PRICKLE4: variants seen among roughly 807,000 people sequenced by gnomAD.
PRICKLE4 encodes prickle-like protein 4.
A neutral mutation model predicts 43.5 loss-of-function variants in PRICKLE4; 40 were observed. The observed-to-expected ratio is 0.92, with a 90% CI of 0.71 to 1.20. The LOEUF (loss-of-function observed/expected upper bound fraction) is 1.20, where lower values mean the gene tolerates loss of function less well. Among genes scored for constraint, PRICKLE4 ranks in the 50% most tolerant of loss-of-function variants. The pLI is 0.00. For missense variants in PRICKLE4, 527 were observed against 491.2 expected (o/e 1.07, Z -0.69); for synonymous variants, 208 against 197.4 (o/e 1.05, Z -0.45).
At position 41,786,972 on chromosome 6, in the gene PRICKLE4, A is replaced by G. The variant is rs1391847183; in HGVS notation, c.998A>G (p.Asp333Gly). The G allele has an allele frequency of 3.1e-6, 5 of 1,613,936 alleles. No homozygotes were observed. The highest frequency in any genetic ancestry group is 2.7e-5 in the African/African-American group (2 of 74,882). Reference protein sequence around the residue: ...QEQCRLETIRDPKDTPFSTCS... With the variant: ...QEQCRLETIRGPKDTPFSTCS... ...CAATGCCGCCTGGAGACTATTCGTGATCCCAAGGACACCCCTTTCTCCACC... is the reference window on the plus strand; with the variant it reads ...CAATGCCGCCTGGAGACTATTCGTGGTCCCAAGGACACCCCTTTCTCCACC... Residue 333 changes from aspartate to glycine, a missense_variant, in exon 8 of 8, where the codon GAT (aspartate) becomes GGT (glycine). Asp to Gly is a moderately conservative substitution (Grantham distance 94). Transcript: ENST00000458694.
chr6:41,783,114 G>A (rs1221914538), intron 2 of PRICKLE4, among the ~76,000 whole-genome samples: 1 of 152,190 alleles, frequency 6.6e-6, no homozygotes, highest in African/African-American at 2.4e-5. Flanking sequence ...GAGGTAAGGA[G>A]AGAGTGTCCA....
In PRICKLE4 at chr6:41,785,076, T is replaced by C; in HGVS notation, c.378+4T>C. 1 of 1,613,514 alleles carries C rather than the reference T, an allele frequency of 6.2e-7. No homozygotes were observed. ...TGAAGGACACACCTGTGAGAAGGTA[T>C]GTAGCACCCCTCCCCCCAAATTCCC... On this transcript the variant is annotated splice_donor_region_variant and intron_variant, in intron 5 of 7. Coordinates refer to ENST00000458694, the MANE Select transcript of PRICKLE4 (RefSeq NM_013397.6).
Position 41,786,871 on chromosome 6 carries a change from G to C in PRICKLE4, c.897G>C (p.Gln299His). The C allele has an allele frequency of 1.2e-6, 2 of 1,606,182 alleles. No homozygotes were observed. The highest frequency in any genetic ancestry group is 1.7e-6 in the Non-Finnish European group (2 of 1,174,872). The change falls in exon 8 of 8, where the codon CAG becomes CAC. Residue 299 changes from glutamine (Q) to histidine (H), a missense_variant. Coordinates refer to ENST00000458694, the MANE Select transcript of PRICKLE4 (RefSeq NM_013397.6). ...CCGGCGGTTCCAGCCTGCAAACTCA[G>C]AGGGGGCTGCCTGGATCCAGTCCCC... Reference protein sequence around the residue: ...AAAGGSSLQTQRGLPGSSPQQ... With the variant: ...AAAGGSSLQTHRGLPGSSPQQ...
In PRICKLE4 at chr6:41,785,066, T is replaced by G; in HGVS notation, c.372T>G (p.Cys124Trp). The G allele has an allele frequency of 1.2e-6, 2 of 1,613,476 alleles. No homozygotes were observed. The highest frequency in any genetic ancestry group is 2.2e-5 in the East Asian group (1 of 44,866). Residue 124 changes from cysteine (C) to tryptophan (W), a missense_variant, in exon 5 of 8, where the codon TGT (cysteine) becomes TGG (tryptophan). By Grantham distance (215) the Cys-to-Trp change is radical. Transcript: ENST00000458694. ...LVLPKLEGHT[C>W]EKCRELLKPG... Reference sequence around the variant, plus strand: ...TTCCCAAGCTTGAAGGACACACCTGTGAGAAGGTATGTAGCACCCCTCCCC... The same window carrying G: ...TTCCCAAGCTTGAAGGACACACCTGGGAGAAGGTATGTAGCACCCCTCCCC...
At chr6:41,784,391 T>C (rs1772606040) in intron 4 of PRICKLE4, among the ~76,000 whole-genome samples, 153 bp downstream of exon 4, 1 of 152,194 alleles carries the variant, frequency 6.6e-6, no homozygotes, top group Non-Finnish European at 1.5e-5. Context: ...CTGCCTGAGT[T>C]TTCACATTGG....
chr6:41,784,378 C>T, intron 4 of PRICKLE4, 140 bp downstream of exon 4: 1 of 668,232 alleles, frequency 1.5e-6, no homozygotes, highest in South Asian at 2.1e-5. Context: ...CGTCATTCTC[C>T]CCCTGCCTGA....
intron 6 of PRICKLE4, 105 bp downstream of exon 6, chr6:41,785,645 G>C: frequency 1.6e-6 from 2 of 1,222,804 alleles, no homozygotes; most frequent in Non-Finnish European, 2.3e-6. Flanking sequence ...TCAGGGAGTG[G>C]GGAGAAGTAG....
chr6:41,786,625 G>A (rs1772657223), intron 7 of PRICKLE4, 137 bp from the exon 8 acceptor site: 4 of 1,395,604 alleles, frequency 2.9e-6, no homozygotes, highest in South Asian at 2.6e-5. Flanking sequence ...ACCCTGGCGA[G>A]GACTCTCGGC....
Position 41,787,317 on chromosome 6 carries a change from C to T in PRICKLE4, c.*188C>T. 1.1e-6 allele frequency: 1 copy of T among 871,712 alleles called. No homozygotes were observed. Among genetic ancestry groups the T allele is most frequent in the Non-Finnish European group, 1.7e-6 (1 of 593,110 alleles). The allele number at this position is 871,712 out of a possible 1,614,324, so 54.0% of individuals were successfully genotyped here. A position where few individuals can be genotyped will look rare whatever the true frequency, so the allele number is the denominator to read the frequency against. On this transcript the variant is annotated 3_prime_UTR_variant, in exon 8 of 8. Coordinates refer to ENST00000458694, the MANE Select transcript of PRICKLE4 (RefSeq NM_013397.6). ...CGCGTTCTAAGACTTTTGGCGGAGA[C>T]TTTCTTGGCAAAACCCATTCCCCAA... is the stretch of plus-strand genomic sequence containing the variant.
chr6:41,783,037 G>A (rs538782464), intron 2 of PRICKLE4, among the ~76,000 whole-genome samples: 1 of 152,318 alleles, frequency 6.6e-6, no homozygotes, highest in East Asian at 1.9e-4. Flanking sequence ...CATGTAGGAA[G>A]TTGTGAACAA....
intron 6 of PRICKLE4, among the ~76,000 whole-genome samples, chr6:41,785,795 G>A (rs3747752): frequency 7.9e-5 from 12 of 152,182 alleles, no homozygotes; most frequent in Non-Finnish European, 1.6e-4. Context: ...CTAGAGCAGG[G>A]AGTCTTGGAC....
rs193125882 is a variant in PRICKLE4 at position 41,786,076 on chromosome 6, G to C, written c.583-52G>C. 2.6e-6 allele frequency: 4 copies of C among 1,553,398 alleles called. No homozygotes were observed. In the African/African-American group the frequency reaches 5.4e-5, roughly 21 times the overall value. ...TAAAAGGCGTGGTTACTGGATGAATGAATGAGGGAATGAATGAATGAAACG... is the reference window on the plus strand; with the variant it reads ...TAAAAGGCGTGGTTACTGGATGAATCAATGAGGGAATGAATGAATGAAACG... On this transcript the variant is annotated intron_variant, in intron 6 of 7. Transcript: ENST00000458694.
Position 41,786,285 on chromosome 6 carries a change from A to G in PRICKLE4, c.740A>G (p.Asp247Gly). The G allele has an allele frequency of 6.3e-7, 1 of 1,592,624 alleles. No homozygotes were observed. Among genetic ancestry groups the G allele is most frequent in the Non-Finnish European group, 8.6e-7 (1 of 1,165,330 alleles). Residue 247 changes from aspartate to glycine, a missense_variant, in exon 7 of 8, where the codon GAT (aspartate) becomes GGT (glycine). Coordinates refer to ENST00000458694, the MANE Select transcript of PRICKLE4 (RefSeq NM_013397.6). ...CPSCFENRYS[D>G]AGSSWAGALE... The stretch of plus-strand genomic sequence containing the variant: ...AGCTGCTTCGAGAACCGCTACTCGG[A>G]TGCAGGCTCGAGCTGGGCCGGGGCA...
At chr6:41,785,646 G>A (rs1772630681) in intron 6 of PRICKLE4, 106 bp downstream of exon 6, 2 of 1,214,462 alleles carry the variant, frequency 1.6e-6, no homozygotes, top group Admixed American at 2.3e-5. Flanking sequence ...CAGGGAGTGG[G>A]GAGAAGTAGG....
At chr6:41,783,084 C>T (rs6925777) in intron 2 of PRICKLE4, among the ~76,000 whole-genome samples, 78,088 of 151,614 alleles carry the variant, frequency 0.52, 20,200 homozygotes, top group Admixed American at 0.61. Flanking sequence ...TGGTGAGAAA[C>T]GGTGGAAGTT....
chr6:41,787,106 A>G lies in PRICKLE4; in HGVS notation c.1132A>G (p.Lys378Glu), dbSNP rs906732617. ...SLQAEDSNASKTHCTMC is the reference protein window; with the variant it reads ...SLQAEDSNASETHCTMC The stretch of plus-strand genomic sequence containing the variant: ...CCAAGCAGAGGACAGCAACGCCTCT[A>G]AGACGCACTGCACCATGTGCTAGTG... The change falls in exon 8 of 8, where the codon AAG becomes GAG. Residue 378 changes from lysine (K) to glutamate (E), a missense_variant. By Grantham distance (56) the Lys-to-Glu change is moderately conservative. Coordinates refer to ENST00000458694, the MANE Select transcript of PRICKLE4 (RefSeq NM_013397.6). 1 of 1,608,960 alleles carries G rather than the reference A, an allele frequency of 6.2e-7. No homozygotes were observed. The highest frequency in any genetic ancestry group is 1.1e-5 in the South Asian group (1 of 90,988).
At position 41,787,288 on chromosome 6, in the gene PRICKLE4, A is replaced by G; in HGVS notation, c.*159A>G. ...AAGTTTGGAGTGCGCCCCCTTCAGT[A>G]CTGCGCGTTCTAAGACTTTTGGCGG... On this transcript the variant is annotated 3_prime_UTR_variant, in exon 8 of 8. Coordinates refer to ENST00000458694, the MANE Select transcript of PRICKLE4 (RefSeq NM_013397.6). 1 of 1,056,920 alleles carries G rather than the reference A, an allele frequency of 9.5e-7. No individual in the cohort carries two copies. The highest frequency in any genetic ancestry group is 1.3e-6 in the Non-Finnish European group (1 of 757,112). 65.5% of individuals were successfully genotyped at this position (1,056,920 alleles called of 1,614,324 possible).
chr6:41,782,678 C>T (rs561578989), intron 2 of PRICKLE4, among the ~76,000 whole-genome samples: 144 of 152,238 alleles, frequency 9.5e-4, no homozygotes, highest in Non-Finnish European at 1.7e-3. Flanking sequence ...AGGCGTGAGC[C>T]ACCGTGCCCA....
At position 41,786,964 on chromosome 6, in the gene PRICKLE4, T is replaced by C; in HGVS notation, c.990T>C (p.Thr330=). The C allele has an allele frequency of 1.2e-6, 2 of 1,614,072 alleles. No individual in the cohort carries two copies. The highest frequency in any genetic ancestry group is 2.2e-5 in the South Asian group (2 of 91,086). The change falls in exon 8 of 8, where the codon ACT becomes ACC. Residue 330 remains threonine (T), a synonymous_variant. Coordinates refer to ENST00000458694, the MANE Select transcript of PRICKLE4 (RefSeq NM_013397.6). ...PKGQEQCRLE[T]IRDPKDTPFS... ...GGCAGGAGCAATGCCGCCTGGAGAC[T>C]ATTCGTGATCCCAAGGACACCCCTT...
Sources: gnomAD v4.1 joint callset for allele counts (sites outside exome capture counted in the v4.1 genomes callset) on GRCh38, gnomAD v4.1.1 for gene constraint, MANE v1.5 for transcripts, NCBI Gene and HGNC (gene_info 2026-07-23, HGNC 2026-07-21) for gene names.